The following BMP2K variants were observed in gnomAD, a reference collection of about 807,000 sequenced individuals.
The protein encoded by BMP2K is BMP-2-inducible protein kinase.
A neutral mutation model predicts 116.0 loss-of-function variants in BMP2K; 74 were observed. The observed-to-expected ratio is 0.64, with a 90% CI of 0.53 to 0.77. The LOEUF (loss-of-function observed/expected upper bound fraction) is 0.77, where lower values mean the gene tolerates loss of function less well. Among genes scored for constraint, BMP2K ranks in the 30% least tolerant of loss-of-function variants. The pLI, the probability that BMP2K is intolerant of heterozygous loss-of-function variation, is 0.00. For missense variants in BMP2K, 1,365 were observed against 1,403.6 expected (o/e 0.97, Z 0.44); for synonymous variants, 486 against 502.5 (o/e 0.97, Z 0.44).
At chr4:78,829,753 A>ATCTTTTTTCTTTTCTTT (rs1553915807) in intron 2 of BMP2K, among the ~76,000 whole-genome samples, 23 of 122,088 alleles carry the variant, frequency 1.9e-4, no homozygotes, top group African/African-American at 7.9e-4. Context: ...CATGGAAACA[A>ATCTTTTTTCTTTTCTTT]TCTTTTCTTT....
intron 6 of BMP2K, among the ~76,000 whole-genome samples, 154 bp downstream of exon 6, chr4:78,847,423 A>G (rs548233127): frequency 1.3e-5 from 2 of 151,878 alleles, no homozygotes; most frequent in African/African-American, 4.8e-5. Context: ...GAAAAGTACT[A>G]GAACATTTTA....
intron 13 of BMP2K, among the ~76,000 whole-genome samples, chr4:78,875,582 G>T (rs1040274023): frequency 1.3e-5 from 2 of 152,066 alleles, no homozygotes; most frequent in Non-Finnish European, 2.9e-5. Context: ...AAAACTTAAT[G>T]GTTTAAAACA....
chr4:78,821,451 A>G (rs1029975100), intron 1 of BMP2K, among the ~76,000 whole-genome samples: 3 of 152,104 alleles, frequency 2.0e-5, no homozygotes, highest in Admixed American at 2.0e-4. Context: ...GTAGCTGAAC[A>G]GTGGTCTTGA....
At chr4:78,778,040 AC>A (rs1219632700) in intron 1 of BMP2K, among the ~76,000 whole-genome samples, 5 of 152,208 alleles carry the variant, frequency 3.3e-5, no homozygotes, top group African/African-American at 9.6e-5. Context: ...GCTCTTTATT[AC>A]ACATGAATTT....
At chr4:78,856,283 C>G (rs1240551734) in intron 7 of BMP2K, among the ~76,000 whole-genome samples, 1 of 152,014 alleles carries the variant, frequency 6.6e-6, no homozygotes, top group Non-Finnish European at 1.5e-5. Flanking sequence ...CTCCTAAGCC[C>G]AAGCCATCCT....
chr4:78,863,510 T>TG (rs1260601707), intron 9 of BMP2K, among the ~76,000 whole-genome samples: 1 of 152,152 alleles, frequency 6.6e-6, no homozygotes, highest in East Asian at 1.9e-4. Context: ...TCTTAAAGAT[T>TG]GAGACACTGA....
intron 2 of BMP2K, among the ~76,000 whole-genome samples, chr4:78,831,981 G>T (rs1170070489): frequency 6.6e-6 from 1 of 151,988 alleles, no homozygotes; most frequent in African/African-American, 2.4e-5. Context: ...AGATTGTTTT[G>T]TTGAGGTGAA....
Position 78,911,717 on chromosome 4 carries a change from A to G in BMP2K, c.3170A>G (p.Asn1057Ser). The change falls in exon 16 of 16, where the codon AAT (asparagine) becomes AGT (serine). Residue 1057 changes from asparagine (N) to serine (S), a missense_variant. Physicochemically the swap from Asn to Ser is conservative, Grantham distance 46. Coordinates refer to ENST00000502613, the MANE Select transcript of BMP2K (RefSeq NM_198892.2). ...VALTDGKDRG[N>S]VLQPEESLLD... ...CTGACTGATGGGAAAGATAGGGGGA[A>G]TGTCTTACAACCTGAGGAGAGCCTG... 1 of 1,613,930 alleles carries G rather than the reference A, an allele frequency of 6.2e-7. No individual in the cohort carries two copies.
At chr4:78,823,119 C>T (rs139031330) in intron 1 of BMP2K, among the ~76,000 whole-genome samples, 3 of 152,104 alleles carry the variant, frequency 2.0e-5, no homozygotes, top group East Asian at 3.9e-4. Context: ...TGAAGTTCAA[C>T]GTATCTTCTG....
chr4:78,895,857 GCTCAAGCAGTCCTCCCAC>G (rs112747653), intron 15 of BMP2K, among the ~76,000 whole-genome samples: 4,192 of 152,122 alleles, frequency 0.028, 217 homozygotes, highest in African/African-American at 0.096. Flanking sequence ...GAACTCCTGA[GCTCAAGCAGTCCTCCCAC>G]CTTAGCCTCC....
chr4:78,811,970 A>G (rs1300477905), intron 1 of BMP2K, among the ~76,000 whole-genome samples: 2 of 151,958 alleles, frequency 1.3e-5, no homozygotes, highest in Admixed American at 6.6e-5. Context: ...TTTTTTAAAA[A>G]GTTTTTTTTT....
chr4:78,863,252 GA>G (rs34100422), intron 9 of BMP2K, among the ~76,000 whole-genome samples: 9 of 151,882 alleles, frequency 5.9e-5, no homozygotes, highest in Non-Finnish European at 1.0e-4. Flanking sequence ...GTGAAAACTT[GA>G]AAAAATCTAA....
chr4:78,783,475 G>C (rs569612333), intron 1 of BMP2K, among the ~76,000 whole-genome samples: 1 of 152,300 alleles, frequency 6.6e-6, no homozygotes, highest in Non-Finnish European at 1.5e-5. Flanking sequence ...CAAAAAAACA[G>C]TGGAAATTTA....
At chr4:78,888,974 C>T (rs1179817212) in intron 15 of BMP2K, among the ~76,000 whole-genome samples, 2 of 152,174 alleles carry the variant, frequency 1.3e-5, no homozygotes, top group African/African-American at 4.8e-5. Context: ...GTAATCCCAG[C>T]ACTTTGGGAG....
chr4:78,861,519 C>G (rs1192045209), intron 9 of BMP2K, 51 bp downstream of exon 9: 2 of 1,418,504 alleles, frequency 1.4e-6, no homozygotes, highest in Non-Finnish European at 2.0e-6. Flanking sequence ...AATGATAGGT[C>G]TTGTTTTTAA....
intron 6 of BMP2K, 106 bp downstream of exon 6, chr4:78,847,375 A>T: frequency 3.1e-6 from 2 of 651,076 alleles, no homozygotes; most frequent in Non-Finnish European, 4.7e-6. Context: ...AATAAGTAGA[A>T]GAGAGTGATG....
chr4:78,842,630 T>G, intron 4 of BMP2K, 103 bp downstream of exon 4: 1 of 1,062,746 alleles, frequency 9.4e-7, no homozygotes, highest in Non-Finnish European at 1.3e-6. Flanking sequence ...TTGAGGTTGG[T>G]CTCTCTCTCC....
chr4:78,805,799 G>A (rs550726353), intron 1 of BMP2K, among the ~76,000 whole-genome samples: 29 of 151,996 alleles, frequency 1.9e-4, no homozygotes, highest in African/African-American at 6.3e-4. Flanking sequence ...GTGAAACCTC[G>A]TCTCTACTAA....
intron 3 of BMP2K, among the ~76,000 whole-genome samples, chr4:78,837,493 C>T (rs1730543419): frequency 1.3e-5 from 2 of 152,206 alleles, no homozygotes; most frequent in East Asian, 1.9e-4. Flanking sequence ...CCACTCCCAG[C>T]TTGACTCTTT....
Sources: gnomAD v4.1 joint callset for allele counts (sites outside exome capture counted in the v4.1 genomes callset) on GRCh38, gnomAD v4.1.1 for gene constraint, MANE v1.5 for transcripts, NCBI Gene and HGNC (gene_info 2026-07-23, HGNC 2026-07-21) for gene names.